The following TMEM245 variants were observed in gnomAD, a reference collection of about 807,000 sequenced individuals.
The protein encoded by TMEM245 is transmembrane protein 245.
TMEM245 carries 69 observed loss-of-function variants against 101.2 expected under a neutral mutation model. The observed-to-expected ratio is 0.68, with a 90% CI of 0.56 to 0.83. TMEM245 has a LOEUF of 0.83. Ranked by LOEUF, TMEM245 falls within the 40% of genes least tolerant of loss-of-function variation. The probability of loss-of-function intolerance (pLI) is 0.00; values close to 1 mark genes in which losing one functional copy is unlikely to be tolerated. For synonymous variants in TMEM245, 537 were observed against 449.8 expected (o/e 1.19, Z -2.45); for missense variants, 1,075 against 1,092.8 (o/e 0.98, Z 0.23).
At chr9:109,062,150 G>A (rs538210576) in intron 10 of TMEM245, among the ~76,000 whole-genome samples, 1 of 152,040 alleles carries the variant, frequency 6.6e-6, no homozygotes, top group African/African-American at 2.4e-5. Context: ...GATCACAGGC[G>A]CACTGACACC....
At chr9:109,102,667 G>C (rs899894054) in intron 3 of TMEM245, among the ~76,000 whole-genome samples, 1 of 152,152 alleles carries the variant, frequency 6.6e-6, no homozygotes, top group African/African-American at 2.4e-5. Context: ...TAACATTTTG[G>C]TATAATCTGT....
intron 16 of TMEM245, chr9:109,035,970 G>C (rs1211225619): frequency 6.8e-6 from 1 of 146,410 alleles, no homozygotes; most frequent in African/African-American, 3.1e-5. Context: ...AGTTGCTCTG[G>C]AACTCTGGGG....
intron 8 of TMEM245, among the ~76,000 whole-genome samples, chr9:109,079,760 G>A (rs1020389387): frequency 1.3e-5 from 2 of 151,534 alleles, no homozygotes; most frequent in South Asian, 2.1e-4. Flanking sequence ...TAGAATAGAA[G>A]TGTAGAAGAG....
At chr9:109,115,820 G>A (rs761590724) in intron 1 of TMEM245, among the ~76,000 whole-genome samples, 12 of 151,980 alleles carry the variant, frequency 7.9e-5, no homozygotes, top group Admixed American at 6.6e-5. Flanking sequence ...GTGAGCAACC[G>A]CACCTGGCCT....
chr9:109,088,593 G>A (rs1041583283), intron 5 of TMEM245, among the ~76,000 whole-genome samples: 7 of 151,926 alleles, frequency 4.6e-5, no homozygotes, highest in African/African-American at 1.7e-4. Flanking sequence ...GCCGAGGCGG[G>A]CGGATCACGA....
chr9:109,086,983 C>T (rs1435373951), intron 6 of TMEM245, among the ~76,000 whole-genome samples, 190 bp downstream of exon 6: 2 of 152,174 alleles, frequency 1.3e-5, no homozygotes, highest in Non-Finnish European at 2.9e-5. Flanking sequence ...AATACTTACA[C>T]AAGCCTTATT....
chr9:109,019,995 ACT>A lies in TMEM245; in HGVS notation c.*463_*464del, dbSNP rs1478590149. 1 of 153,970 alleles carries A rather than the reference ACT, an allele frequency of 6.5e-6. No homozygotes were observed. The highest frequency in any genetic ancestry group is 2.4e-5 in the African/African-American group (1 of 41,456). 9.5% of individuals were successfully genotyped at this position (153,970 alleles called of 1,614,324 possible). Reference sequence around the variant, plus strand: ...ATTTTTCCTGCTCACTCAACTACACACTCAAAAGTGAAAGCCCTCTTCCTTGA... The same window carrying A: ...ATTTTTCCTGCTCACTCAACTACACACAAAAGTGAAAGCCCTCTTCCTTGA... On this transcript the variant is annotated 3_prime_UTR_variant, in exon 18 of 18. Coordinates refer to ENST00000374586, the MANE Select transcript of TMEM245 (RefSeq NM_032012.4).
chr9:109,080,444 G>C (rs1829634188), intron 8 of TMEM245, among the ~76,000 whole-genome samples: 1 of 152,100 alleles, frequency 6.6e-6, no homozygotes, highest in African/African-American at 2.4e-5. Context: ...TCAGCAGAAG[G>C]ATCAATGAGA....
chr9:109,093,577 C>CT lies in TMEM245; in HGVS notation c.813dup (p.Gly272ArgfsTer22). The CT allele has an allele frequency of 6.2e-7, 1 of 1,613,912 alleles. No individual in the cohort carries two copies. Among genetic ancestry groups the CT allele is most frequent in the South Asian group, 1.1e-5 (1 of 90,998 alleles). On this transcript the variant is annotated frameshift_variant, in exon 4 of 18. Coordinates refer to ENST00000374586, the MANE Select transcript of TMEM245 (RefSeq NM_032012.4). LOFTEE classifies it high-confidence loss of function. ...GAAGCTGCCATGGAGATAACCTGCC[C>CT]TGGTAACTCTGCCCCTGTAAAAGAA...
chr9:109,027,185 T>G (rs1383576929), intron 17 of TMEM245, among the ~76,000 whole-genome samples: 2 of 151,948 alleles, frequency 1.3e-5, no homozygotes, highest in Non-Finnish European at 1.5e-5. Flanking sequence ...ATCAAGTAAC[T>G]CCGGAAGTAG....
chr9:109,030,614 G>A (rs548843497), intron 17 of TMEM245, among the ~76,000 whole-genome samples: 37 of 152,292 alleles, frequency 2.4e-4, no homozygotes, highest in African/African-American at 6.0e-4. Flanking sequence ...TTCGAGCACC[G>A]CTGGCTTCTC....
intron 17 of TMEM245, 70 bp from the exon 18 acceptor site, chr9:109,020,575 G>A: frequency 1.5e-6 from 2 of 1,363,730 alleles, no homozygotes; most frequent in Non-Finnish European, 2.1e-6. Context: ...CAATCTTTTG[G>A]AGCCCTAATG....
chr9:109,020,830 G>A (rs548130387), intron 17 of TMEM245, among the ~76,000 whole-genome samples: 1 of 152,312 alleles, frequency 6.6e-6, no homozygotes, highest in South Asian at 2.1e-4. Flanking sequence ...ATCTTCTTCA[G>A]CTCTTCCACC....
intron 3 of TMEM245, 116 bp from the exon 4 acceptor site, chr9:109,093,707 C>G (rs1830067550): frequency 1.2e-6 from 1 of 819,970 alleles, no homozygotes; most frequent in South Asian, 1.5e-5. Context: ...TACTGACCCA[C>G]TGAATAAGTG....
chr9:109,063,736 T>A (rs138110477), intron 10 of TMEM245, among the ~76,000 whole-genome samples: 71 of 152,312 alleles, frequency 4.7e-4, no homozygotes, highest in African/African-American at 1.6e-3. Flanking sequence ...TCAGTCAAGA[T>A]CATTTCCTCA....
chr9:109,047,089 C>T (rs1325034776), intron 14 of TMEM245, among the ~76,000 whole-genome samples: 3 of 152,192 alleles, frequency 2.0e-5, no homozygotes, highest in African/African-American at 7.2e-5. Context: ...GGCCATAACC[C>T]ATTCTTTAGT....
intron 8 of TMEM245, among the ~76,000 whole-genome samples, chr9:109,075,050 T>C (rs1339334783): frequency 6.6e-6 from 1 of 152,122 alleles, no homozygotes; most frequent in Non-Finnish European, 1.5e-5. Context: ...TAAAGTAAGT[T>C]TGGACGCTGT....
intron 11 of TMEM245, among the ~76,000 whole-genome samples, chr9:109,057,893 G>A (rs955638019): frequency 6.8e-6 from 1 of 146,324 alleles, no homozygotes; most frequent in African/African-American, 2.5e-5. Context: ...TTATTTCTCA[G>A]TATCTACAAC....
At chr9:109,108,420 T>TAAAAAA (rs5899838) in intron 2 of TMEM245, 33 bp downstream of exon 2, 25 of 939,620 alleles carry the variant, frequency 2.7e-5, no homozygotes, top group South Asian at 4.1e-5. Context: ...AGGCTAGACT[T>TAAAAAA]AAAAAAAAAA....
Sources: gnomAD v4.1 joint callset for allele counts (sites outside exome capture counted in the v4.1 genomes callset) on GRCh38, gnomAD v4.1.1 for gene constraint, MANE v1.5 for transcripts, NCBI Gene and HGNC (gene_info 2026-07-23, HGNC 2026-07-21) for gene names.